The following KRT39 variants were observed in gnomAD, a reference collection of about 807,000 sequenced individuals.
The protein encoded by KRT39 is keratin, type I cytoskeletal 39.
In KRT39, 47 loss-of-function variants were observed where a neutral mutation model predicts 54.8. That is an observed-to-expected ratio of 0.86 (90% CI 0.68 to 1.09). The LOEUF (loss-of-function observed/expected upper bound fraction) is 1.09, where lower values mean the gene tolerates loss of function less well. Ranked by LOEUF, KRT39 falls within the 50% of genes least tolerant of loss-of-function variation. KRT39 has a pLI of 0.00. For synonymous variants in KRT39, 207 were observed against 227.9 expected (o/e 0.91, Z 0.83); for missense variants, 580 against 598.5 (o/e 0.97, Z 0.32).
In KRT39 at chr17:40,962,326, G is replaced by A. The variant is rs777331374; in HGVS notation, c.871-39C>T. 7 of 1,612,428 alleles carry A rather than the reference G, an allele frequency of 4.3e-6. No homozygotes were observed. The African/African-American group carries it at 9.3e-5, about 22-fold the overall frequency. Reference sequence around the variant, plus strand: ...CCAGAGACTGAGAATATTATGGGAGGAAAACATGACTTTGATTAAAGGGCC... The same window carrying A: ...CCAGAGACTGAGAATATTATGGGAGAAAAACATGACTTTGATTAAAGGGCC... On this transcript the variant is annotated intron_variant, in intron 4 of 6. Coordinates refer to ENST00000355612, the MANE Select transcript of KRT39 (RefSeq NM_213656.4).
chr17:40,960,970 A>G (rs575713428), intron 5 of KRT39, among the ~76,000 whole-genome samples: 1 of 152,206 alleles, frequency 6.6e-6, no homozygotes, highest in East Asian at 1.9e-4. Context: ...TCTCTACTAA[A>G]AATACAAAAA....
intron 5 of KRT39, 112 bp from the exon 6 acceptor site, chr17:40,960,613 C>T (rs2064013415): frequency 1.4e-6 from 1 of 722,794 alleles, no homozygotes; most frequent in Non-Finnish European, 2.4e-6. Context: ...GATAGATCTC[C>T]AAGCACTTTA....
In KRT39 at chr17:40,963,643, T is replaced by C. The variant is rs1283303739; in HGVS notation, c.692A>G (p.Lys231Arg). 1 of 1,607,100 alleles carries C rather than the reference T, an allele frequency of 6.2e-7. No homozygotes were observed. The highest frequency in any genetic ancestry group is 8.5e-7 in the Non-Finnish European group (1 of 1,174,556). Residue 231 changes from lysine to arginine, a missense_variant, in exon 3 of 7, where the codon AAG becomes AGG. Transcript: ENST00000355612. ...QSLKEELLCLKNNHKEEINSL... is the reference protein window; with the variant it reads ...QSLKEELLCLRNNHKEEINSL... ...TTGTCTCACCTCTTTGTGGTTGTTC[T>C]TGAGGCAAAGGAGCTCCTCTTTCAG... is the stretch of plus-strand genomic sequence containing the variant.
chr17:40,960,149 T>C (rs1440122233), intron 6 of KRT39, 132 bp downstream of exon 6: 1 of 712,248 alleles, frequency 1.4e-6, no homozygotes, highest in Non-Finnish European at 2.4e-6. Context: ...GGTGTGTGGA[T>C]GCCTCTGTCC....
chr17:40,960,174 T>C lies in KRT39; in HGVS notation c.1217+107A>G, dbSNP rs933530948. 8 of 933,208 alleles carry C rather than the reference T, an allele frequency of 8.6e-6. No individual in the cohort carries two copies. The African/African-American group carries it at 1.1e-4, about 13-fold the overall frequency. The allele number at this position is 933,208 out of a possible 1,614,324, so 57.8% of individuals were successfully genotyped here. ...TGCCTCTGTCCAAGCTCCCCATCAC[T>C]GGCAAGAAGGTCAAACAAAGCACTT... On this transcript the variant is annotated intron_variant, in intron 6 of 6. Transcript: ENST00000355612.
rs145756851 is a variant in KRT39 at position 40,966,858 on chromosome 17, G to C, written c.-2C>G. ...TGTTGTACAGCCCTTGGTGTCCATA[G>C]TATGTGTCTGGCTTTAGTTTGTTCC... On this transcript the variant is annotated 5_prime_UTR_variant, in exon 1 of 7. Transcript: ENST00000355612. The C allele has an allele frequency of 6.3e-7, 1 of 1,586,528 alleles. No homozygotes were observed. Among genetic ancestry groups the C allele is most frequent in the Non-Finnish European group, 8.6e-7 (1 of 1,166,450 alleles).
chr17:40,960,670 A>C, intron 5 of KRT39, 169 bp from the exon 6 acceptor site: 1 of 604,210 alleles, frequency 1.7e-6, no homozygotes, highest in South Asian at 2.0e-5. Flanking sequence ...ATGATCAACT[A>C]TGCTAAAATC....
chr17:40,963,995 T>G, intron 2 of KRT39: 1 of 449,438 alleles, frequency 2.2e-6, no homozygotes, highest in Non-Finnish European at 3.9e-6. Flanking sequence ...ACATTGCTGT[T>G]CTTTGAGATA....
rs866707936 is a variant in KRT39, at chr17:40,966,502, G to A, written c.355C>T (p.Arg119Ter). 16 of 1,613,896 alleles carry A rather than the reference G, an allele frequency of 9.9e-6. No individual in the cohort carries two copies. The highest frequency in any genetic ancestry group is 4.0e-5 in the African/African-American group (3 of 74,878). Reference protein sequence around the residue: ...NYLQKVRMLERENAELESKIQ... With the variant: ...NYLQKVRMLE ...TTAGATTCCAGTTCAGCATTCTCTC[G>A]TTCTAGCATTCGCACCTTTTGCAGG... Residue 119 changes from arginine (R) to a stop codon, truncating the protein, a stop_gained, in exon 1 of 7, where the codon CGA becomes TGA. Transcript: ENST00000355612. LOFTEE classifies it high-confidence loss of function.
chr17:40,959,633 G>T (rs995075637), intron 6 of KRT39, among the ~76,000 whole-genome samples: 2 of 152,190 alleles, frequency 1.3e-5, no homozygotes, highest in African/African-American at 4.8e-5. Flanking sequence ...TTATTTTCGG[G>T]AAGTAGGTCT....
intron 1 of KRT39, among the ~76,000 whole-genome samples, chr17:40,965,112 G>A (rs1488215572): frequency 6.6e-6 from 1 of 152,192 alleles, no homozygotes; most frequent in East Asian, 1.9e-4. Flanking sequence ...GCTGAGGCAG[G>A]AGAATGGCAT....
Position 40,966,616 on chromosome 17 carries a change from A to T in KRT39, c.241T>A (p.Ser81Thr). 2 of 1,614,172 alleles carry T rather than the reference A, an allele frequency of 1.2e-6. No homozygotes were observed. The highest frequency in any genetic ancestry group is 1.1e-5 in the South Asian group (1 of 91,078). Reference protein sequence around the residue: ...YLMNNFNARFSLDDCSWYGEG... With the variant: ...YLMNNFNARFTLDDCSWYGEG... Reference sequence around the variant, plus strand: ...CCATACCAGCTGCAGTCATCCAGAGAAAAACGGGCATTGAAGTTGTTCATT... The same window carrying T: ...CCATACCAGCTGCAGTCATCCAGAGTAAAACGGGCATTGAAGTTGTTCATT... Residue 81 changes from serine to threonine, a missense_variant, in exon 1 of 7, where the codon TCT becomes ACT. Physicochemically the swap from Ser to Thr is moderately conservative, Grantham distance 58. Coordinates refer to ENST00000355612, the MANE Select transcript of KRT39 (RefSeq NM_213656.4).
intron 5 of KRT39, among the ~76,000 whole-genome samples, chr17:40,961,005 C>T (rs917331017): frequency 1.3e-5 from 2 of 152,024 alleles, no homozygotes; most frequent in African/African-American, 4.8e-5. Flanking sequence ...CTGGTGGGCA[C>T]CTGTAATCCC....
At chr17:40,959,078 G>A (rs992632512) in intron 6 of KRT39, among the ~76,000 whole-genome samples, 2 of 152,218 alleles carry the variant, frequency 1.3e-5, no homozygotes, top group African/African-American at 2.4e-5. Flanking sequence ...ATTCGATTAT[G>A]TAAGTTTCCA....
chr17:40,962,334 G>T (rs1468827360), intron 4 of KRT39, 47 bp from the exon 5 acceptor site: 1 of 1,612,172 alleles, frequency 6.2e-7, no homozygotes, highest in Non-Finnish European at 8.5e-7. Flanking sequence ...AGGAAAACAT[G>T]ACTTTGATTA....
chr17:40,961,539 G>C (rs1911152391), intron 5 of KRT39, among the ~76,000 whole-genome samples: 1 of 152,318 alleles, frequency 6.6e-6, no homozygotes, highest in Middle Eastern at 3.4e-3. Context: ...GAGACAGAAT[G>C]ATACTGGCTT....
Position 40,958,733 on chromosome 17 carries a change from G to A in KRT39, c.1344C>T (p.Cys448=). The A allele has an allele frequency of 1.2e-6, 2 of 1,614,140 alleles. No individual in the cohort carries two copies. The highest frequency in any genetic ancestry group is 1.7e-6 in the Non-Finnish European group (2 of 1,180,006). Residue 448 remains cysteine (C), a synonymous_variant, in exon 7 of 7, where the codon TGC becomes TGT. Coordinates refer to ENST00000355612, the MANE Select transcript of KRT39 (RefSeq NM_213656.4). ...SSSPCSLKEH[C]SACGPLSRIL... ...TCCGGGACAGGGGTCCGCAGGCACT[G>A]CAGTGCTCCTTTAAGCTGCAGGGGG...
chr17:40,965,399 AAAAAT>A (rs1402488957), intron 1 of KRT39, among the ~76,000 whole-genome samples: 6 of 152,044 alleles, frequency 3.9e-5, no homozygotes, highest in Admixed American at 2.0e-4. Context: ...TAAATAAATA[AAAAAT>A]AAAATAAAAT....
In KRT39 at chr17:40,963,834, A is replaced by G. The variant is rs781585384; in HGVS notation, c.552-51T>C. ...AGACATCTGAAAGGAGATGATGCAA[A>G]CCAAGCCAAGCAGAACTCTCATCTG... On this transcript the variant is annotated intron_variant, in intron 2 of 6. Coordinates refer to ENST00000355612, the MANE Select transcript of KRT39 (RefSeq NM_213656.4). 23 of 1,469,282 alleles carry G rather than the reference A, an allele frequency of 1.6e-5. No homozygotes were observed. In the Middle Eastern group the frequency reaches 7.3e-4, roughly 47 times the overall value. 91.0% of individuals were successfully genotyped at this position (1,469,282 alleles called of 1,614,324 possible). A position where few individuals can be genotyped will look rare whatever the true frequency, so the allele number is the denominator to read the frequency against.
Sources: gnomAD v4.1 joint callset for allele counts (sites outside exome capture counted in the v4.1 genomes callset) on GRCh38, gnomAD v4.1.1 for gene constraint, MANE v1.5 for transcripts, NCBI Gene and HGNC (gene_info 2026-07-23, HGNC 2026-07-21) for gene names.